The following MAST4 variants were observed in gnomAD, a reference collection of about 807,000 sequenced individuals.
MAST4 encodes microtubule associated serine/threonine kinase family member 4.
Under a neutral mutation model 162.7 loss-of-function variants are expected in MAST4, and 89 were observed. That is an observed-to-expected ratio of 0.55 (90% CI 0.46 to 0.65). The LOEUF is 0.65. MAST4 is among the 30% of genes least tolerant of loss of function. The pLI is 0.00. For synonymous variants in MAST4, 1,479 were observed against 1,361.1 expected (o/e 1.09, Z -1.91); for missense variants, 3,153 against 3,374.0 (o/e 0.93, Z 1.62).
chr5:66,899,175 T>C (rs1450389897), intron 3 of MAST4, among the ~76,000 whole-genome samples: 2 of 152,216 alleles, frequency 1.3e-5, no homozygotes, highest in Non-Finnish European at 2.9e-5. Context: ...AAAACTTCAT[T>C]AGTGGATAAG....
At chr5:66,785,954 C>T (rs182454907) in intron 2 of MAST4, among the ~76,000 whole-genome samples, 14 of 152,224 alleles carry the variant, frequency 9.2e-5, no homozygotes, top group Middle Eastern at 3.4e-3. Context: ...CTGCAACCTC[C>T]ACCTCCTAGG....
At chr5:67,079,479 T>C (rs775168232) in intron 5 of MAST4, among the ~76,000 whole-genome samples, 24 of 152,238 alleles carry the variant, frequency 1.6e-4, no homozygotes, top group East Asian at 5.8e-4. Context: ...CACTTCTGAA[T>C]TGTAGGACTG....
intron 4 of MAST4, among the ~76,000 whole-genome samples, chr5:66,972,343 C>G (rs1375284896): frequency 2.0e-5 from 3 of 152,180 alleles, no homozygotes; most frequent in African/African-American, 7.2e-5. Flanking sequence ...GTTTGCTTAG[C>G]TGAATCATTA....
intron 4 of MAST4, among the ~76,000 whole-genome samples, chr5:66,969,205 G>A (rs1296049638): frequency 6.6e-6 from 1 of 152,122 alleles, no homozygotes; most frequent in African/African-American, 2.4e-5. Context: ...GCACCTTTTA[G>A]AGCTGCCATT....
intron 4 of MAST4, among the ~76,000 whole-genome samples, chr5:67,015,810 A>G (rs960219723): frequency 5.9e-5 from 9 of 152,202 alleles, no homozygotes; most frequent in African/African-American, 2.2e-4. Flanking sequence ...TTTATGAGTC[A>G]TGCATCTCTC....
chr5:66,815,466 G>A (rs370977319), intron 3 of MAST4, among the ~76,000 whole-genome samples: 6 of 152,064 alleles, frequency 3.9e-5, no homozygotes, highest in African/African-American at 9.6e-5. Flanking sequence ...TTTATCATAC[G>A]TATGTATATA....
At chr5:66,729,367 G>T (rs1301281354) in intron 1 of MAST4, among the ~76,000 whole-genome samples, 1 of 152,164 alleles carries the variant, frequency 6.6e-6, no homozygotes, top group Non-Finnish European at 1.5e-5. Context: ...AACAGGCTTT[G>T]TTAGATAAAT....
intron 1 of MAST4, among the ~76,000 whole-genome samples, chr5:66,739,314 T>C (rs1318443233): frequency 6.6e-6 from 1 of 152,204 alleles, no homozygotes; most frequent in Non-Finnish European, 1.5e-5. Flanking sequence ...TCTTCGGTTG[T>C]GGGGGCAGCA....
At chr5:66,913,737 A>C (rs10064999) in intron 4 of MAST4, among the ~76,000 whole-genome samples, 5,002 of 152,160 alleles carry the variant, frequency 0.033, 150 homozygotes, top group African/African-American at 0.076. Flanking sequence ...AGGTTTTCTC[A>C]TATGTTTTCT....
At chr5:66,851,933 T>A (rs960306866) in intron 3 of MAST4, among the ~76,000 whole-genome samples, 1 of 152,220 alleles carries the variant, frequency 6.6e-6, no homozygotes, top group African/African-American at 2.4e-5. Context: ...TTGTATAATC[T>A]GGCGAGGTTA....
Position 67,166,146 on chromosome 5 carries a change from G to A in MAST4, c.6967G>A (p.Val2323Ile), listed in dbSNP as rs200784710. 7.3e-5 allele frequency: 116 copies of A among 1,581,768 alleles called. No individual in the cohort carries two copies. In the African/African-American group the frequency reaches 1.4e-3, roughly 19 times the overall value. The change falls in exon 29 of 29, where the codon GTT becomes ATT. Residue 2323 changes from valine to isoleucine, a missense_variant. Transcript: ENST00000403625. ...SEPADQKLSA[V>I]GEKQTLSPKH... ...GCCAGCGGACCAGAAACTGTCCGCT[G>A]TTGGTGAAAAGCAAACCCTGTCTCC...
At chr5:66,751,538 G>T (rs1312133991) in intron 1 of MAST4, among the ~76,000 whole-genome samples, 1 of 152,150 alleles carries the variant, frequency 6.6e-6, no homozygotes, top group Non-Finnish European at 1.5e-5. Flanking sequence ...GGAAGAAAGG[G>T]TGTCAGCGAT....
At chr5:66,827,274 C>G (rs961443760) in intron 3 of MAST4, among the ~76,000 whole-genome samples, 1 of 152,284 alleles carries the variant, frequency 6.6e-6, no homozygotes, top group Non-Finnish European at 1.5e-5. Context: ...TGATATTACT[C>G]CTCCACATAT....
chr5:66,872,144 A>G (rs533458259), intron 3 of MAST4, among the ~76,000 whole-genome samples: 8 of 130,706 alleles, frequency 6.1e-5, no homozygotes, highest in African/African-American at 2.1e-4. Flanking sequence ...TGTATAGGAT[A>G]TAAATTTTTT....
chr5:66,646,146 A>G (rs1745820856), intron 1 of MAST4, among the ~76,000 whole-genome samples: 2 of 152,184 alleles, frequency 1.3e-5, no homozygotes. Context: ...CATCCACCCT[A>G]CAACATGCAG....
intron 1 of MAST4, among the ~76,000 whole-genome samples, chr5:66,648,065 TGTGTGTGTGTGTGTGTGTGAGAGA>T (rs976429545): frequency 6.9e-5 from 9 of 131,294 alleles, no homozygotes; most frequent in South Asian, 2.7e-4. Flanking sequence ...TGTGTGTGTG[TGTGTGTGTGTGTGTGTGTGAGAGA>T]GAGAGAGAGA....
At chr5:66,988,089 T>G (rs1749709125) in intron 4 of MAST4, among the ~76,000 whole-genome samples, 1 of 152,314 alleles carries the variant, frequency 6.6e-6, no homozygotes, top group East Asian at 1.9e-4. Context: ...TCTGAATTAT[T>G]TCCATTACAA....
chr5:67,029,756 A>G (rs1755090903), intron 4 of MAST4, among the ~76,000 whole-genome samples: 1 of 152,182 alleles, frequency 6.6e-6, no homozygotes, highest in Non-Finnish European at 1.5e-5. Flanking sequence ...ATGGAATAGT[A>G]GGAGTTTTAG....
At chr5:66,851,016 A>G (rs1312067273) in intron 3 of MAST4, among the ~76,000 whole-genome samples, 1 of 150,786 alleles carries the variant, frequency 6.6e-6, no homozygotes, top group Non-Finnish European at 1.5e-5. Flanking sequence ...CTGCAAGTAG[A>G]GGCTGCTTAG....
Sources: allele counts gnomAD v4.1 joint callset (sites outside exome capture counted in the v4.1 genomes callset), GRCh38; gene constraint gnomAD v4.1.1; transcripts MANE v1.5; gene names NCBI Gene and HGNC (gene_info 2026-07-23, HGNC 2026-07-21).